SBF2: variants seen among roughly 807,000 people sequenced by gnomAD.
SBF2 encodes the protein myotubularin-related protein 13.
SBF2 carries 112 observed loss-of-function variants against 225.2 expected under a neutral mutation model. The ratio of observed to expected loss-of-function variants is 0.50; its 90% CI spans 0.43 to 0.58. The LOEUF is 0.58. SBF2 is among the 20% of genes least tolerant of loss of function. The pLI, the probability that SBF2 is intolerant of heterozygous loss-of-function variation, is 0.00. For synonymous variants in SBF2, 763 were observed against 773.3 expected (o/e 0.99, Z 0.22); for missense variants, 1,996 against 2,206.2 (o/e 0.90, Z 1.91).
intron 2 of SBF2, among the ~76,000 whole-genome samples, chr11:10,166,838 T>A (rs1955975023): frequency 6.6e-6 from 1 of 151,978 alleles, no homozygotes; most frequent in Admixed American, 6.6e-5. Context: ...GGCGCATGCC[T>A]GTAGTCCCAG....
intron 3 of SBF2, among the ~76,000 whole-genome samples, chr11:10,039,262 A>C (rs1189648726): frequency 4.6e-5 from 7 of 152,096 alleles, no homozygotes; most frequent in African/African-American, 1.7e-4. Flanking sequence ...AAAAGAAAAG[A>C]AAAACACATT....
chr11:9,867,140 T>C (rs957670787), intron 17 of SBF2, among the ~76,000 whole-genome samples: 20 of 152,188 alleles, frequency 1.3e-4, no homozygotes, highest in African/African-American at 4.8e-4. Context: ...AATTGGATTG[T>C]TTGTAACACA....
rs1957238247 is a variant in SBF2, at chr11:10,193,118, T to A, written c.141+784A>T. Among the ~76,000 whole-genome samples the A allele has an allele frequency of 2.0e-5, 3 of 152,294 alleles. No homozygotes were observed. The South Asian group carries it at 6.2e-4, about 32-fold the overall frequency. ...CTTGTAGCTAAAAACAAAAGAAATC[T>A]AATTTGTGATTTTAAGATCAAATTC... On this transcript the variant is annotated intron_variant, in intron 2 of 39. Coordinates refer to ENST00000256190, the MANE Select transcript of SBF2 (RefSeq NM_030962.4).
At chr11:10,187,720 C>T (rs1000130715) in intron 2 of SBF2, among the ~76,000 whole-genome samples, 1 of 152,042 alleles carries the variant, frequency 6.6e-6, no homozygotes, top group Non-Finnish European at 1.5e-5. Context: ...CCCATCTACC[C>T]TACTGCCACT....
At chr11:10,231,319 T>C (rs1028924356) in intron 1 of SBF2, among the ~76,000 whole-genome samples, 21 of 152,246 alleles carry the variant, frequency 1.4e-4, no homozygotes, top group African/African-American at 4.8e-4. Context: ...GTCAAAGTCA[T>C]TCTCCGTCCA....
In SBF2 at chr11:10,178,712, G is replaced by A. The variant is rs1196436515; in HGVS notation, c.141+15190C>T. Reference sequence around the variant, plus strand: ...GGAAACAACAGGTGCTAGAGAGGATGTGGAGAAATAGGAACACTTTTACAC... The same window carrying A: ...GGAAACAACAGGTGCTAGAGAGGATATGGAGAAATAGGAACACTTTTACAC... On this transcript the variant is annotated intron_variant, in intron 2 of 39. Coordinates refer to ENST00000256190, the MANE Select transcript of SBF2 (RefSeq NM_030962.4). Among the ~76,000 whole-genome samples the A allele has an allele frequency of 4.0e-4, 57 of 144,066 alleles. 3 individuals carry two copies. Among genetic ancestry groups the A allele is most frequent in the African/African-American group, 1.4e-3 (53 of 38,720 alleles). 94.5% of individuals were successfully genotyped at this position (144,066 alleles called of 152,430 possible). A position where few individuals can be genotyped will look rare whatever the true frequency, so the allele number is the denominator to read the frequency against.
At chr11:10,214,881 A>C (rs1369757624) in intron 1 of SBF2, among the ~76,000 whole-genome samples, 1 of 152,158 alleles carries the variant, frequency 6.6e-6, no homozygotes, top group Non-Finnish European at 1.5e-5. Flanking sequence ...TTAAGCAAAA[A>C]GGGGGCTTAA....
chr11:10,179,340 A>G, intron 2 of SBF2, among the ~76,000 whole-genome samples: 1 of 151,374 alleles, frequency 6.6e-6, no homozygotes, highest in East Asian at 1.9e-4. Flanking sequence ...AACTTAAAGT[A>G]TAATAATAAT....
intron 17 of SBF2, among the ~76,000 whole-genome samples, chr11:9,868,211 T>C (rs116720775): frequency 1.3e-3 from 193 of 151,618 alleles, no homozygotes; most frequent in African/African-American, 4.5e-3. Flanking sequence ...TGTAAAAAAG[T>C]TGTTGGGGCG....
At position 10,294,077 on chromosome 11, in the gene SBF2, G is replaced by A; in HGVS notation, c.-8C>T. On this transcript the variant is annotated 5_prime_UTR_variant, in exon 1 of 40. Transcript: ENST00000256190. ...GTCAGCCAGCCGGGCCATGGCCGCCGCCGCCGCGCTCGGGAAGCGGGTCCC... is the reference window on the plus strand; with the variant it reads ...GTCAGCCAGCCGGGCCATGGCCGCCACCGCCGCGCTCGGGAAGCGGGTCCC... 1.5e-6 allele frequency: 2 copies of A among 1,365,620 alleles called. No individual in the cohort carries two copies. The highest frequency in any genetic ancestry group is 1.9e-6 in the Non-Finnish European group (2 of 1,057,968). The allele number at this position is 1,365,620 out of a possible 1,614,324, so 84.6% of individuals were successfully genotyped here.
At chr11:10,276,105 A>G (rs891909624) in intron 1 of SBF2, among the ~76,000 whole-genome samples, 1 of 152,186 alleles carries the variant, frequency 6.6e-6, no homozygotes, top group African/African-American at 2.4e-5. Flanking sequence ...ATGAGGGGAA[A>G]AATTATTTTC....
intron 6 of SBF2, among the ~76,000 whole-genome samples, chr11:10,004,376 T>C (rs183020478): frequency 1.8e-4 from 27 of 152,080 alleles, no homozygotes; most frequent in Middle Eastern, 3.4e-3. Context: ...AATGAGCTAG[T>C]ATTGTATGTA....
At chr11:9,933,064 G>A (rs1256162620) in intron 16 of SBF2, among the ~76,000 whole-genome samples, 3 of 150,588 alleles carry the variant, frequency 2.0e-5, no homozygotes, top group African/African-American at 7.3e-5. Context: ...GACAAAGAAG[G>A]CCATTACATA....
chr11:10,033,689 C>CAA (rs1554991971), intron 3 of SBF2, among the ~76,000 whole-genome samples: 4 of 143,620 alleles, frequency 2.8e-5, no homozygotes, highest in Non-Finnish European at 6.2e-5. Flanking sequence ...CACACACACA[C>CAA]AACAAATAAA....
At chr11:10,213,537 T>G (rs1435836536) in intron 1 of SBF2, among the ~76,000 whole-genome samples, 1 of 152,228 alleles carries the variant, frequency 6.6e-6, no homozygotes, top group Non-Finnish European at 1.5e-5. Context: ...CATAGGTTTT[T>G]GCTAACATAA....
chr11:9,849,597 T>C (rs1168383932), intron 22 of SBF2, among the ~76,000 whole-genome samples: 2 of 152,210 alleles, frequency 1.3e-5, no homozygotes, highest in Non-Finnish European at 2.9e-5. Context: ...TGGGATTAGT[T>C]GGTGCTGGAC....
intron 2 of SBF2, among the ~76,000 whole-genome samples, chr11:10,176,143 G>A (rs933459964): frequency 4.5e-4 from 62 of 137,454 alleles, no homozygotes; most frequent in African/African-American, 1.5e-3. Context: ...TGAAACCAAC[G>A]AGAACAAAGA....
At position 10,096,678 on chromosome 11, in the gene SBF2, TA is replaced by T. The variant is rs202008067; in HGVS notation, c.142-53698del. On this transcript the variant is annotated intron_variant, in intron 2 of 39. Coordinates refer to ENST00000256190, the MANE Select transcript of SBF2 (RefSeq NM_030962.4). ...AAAATCTCATACAAGCGGTGTCTTT[TA>T]AAAATATTACTTTTCTGATAATGTC... 2.0e-4 allele frequency among the ~76,000 whole-genome samples: 30 copies of T among 152,282 alleles called. No individual in the cohort carries two copies. The East Asian group carries it at 5.4e-3, about 27-fold the overall frequency.
intron 6 of SBF2, among the ~76,000 whole-genome samples, chr11:10,016,050 T>C (rs1433944841): frequency 6.6e-6 from 1 of 152,138 alleles, no homozygotes; most frequent in Non-Finnish European, 1.5e-5. Flanking sequence ...GTGCTGAGAT[T>C]ACAGGCATGA....
Sources: gnomAD v4.1 joint callset for allele counts (sites outside exome capture counted in the v4.1 genomes callset) on GRCh38, gnomAD v4.1.1 for gene constraint, MANE v1.5 for transcripts, NCBI Gene and HGNC (gene_info 2026-07-23, HGNC 2026-07-21) for gene names.